Variants in RABEP1 observed in about 807,000 individuals in gnomAD.
RABEP1 encodes the protein rab GTPase-binding effector protein 1.
In RABEP1, 51 loss-of-function variants were observed where a neutral mutation model predicts 123.4. The observed-to-expected ratio is 0.41, with a 90% CI of 0.33 to 0.52. The LOEUF is 0.52. RABEP1 is among the 20% of genes least tolerant of loss of function. RABEP1 has a pLI of 0.16. For synonymous variants in RABEP1, 347 were observed against 355.2 expected (o/e 0.98, Z 0.26); for missense variants, 888 against 996.3 (o/e 0.89, Z 1.46).
intron 13 of RABEP1, among the ~76,000 whole-genome samples, chr17:5,375,704 C>T (rs564811774): frequency 4.2e-4 from 63 of 150,660 alleles, no homozygotes; most frequent in African/African-American, 1.5e-3. Flanking sequence ...AGGACCCTGT[C>T]TCAATTAAAA....
Position 5,373,423 on chromosome 17 carries a change from C to A in RABEP1, c.1994C>A (p.Ala665Glu). Reference protein sequence around the residue: ...KHSLHVSLQQAEDFILPDTTE... With the variant: ...KHSLHVSLQQEEDFILPDTTE... ...AGCCTGCATGTGTCATTACAGCAAG[C>A]AGAAGACTTCATCCTCCCAGACACT... Residue 665 changes from alanine (A) to glutamate (E), a missense_variant, in exon 13 of 18, where the codon GCA becomes GAA. Coordinates refer to ENST00000537505, the MANE Select transcript of RABEP1 (RefSeq NM_004703.6). The A allele has an allele frequency of 6.2e-7, 1 of 1,612,452 alleles. No homozygotes were observed. Among genetic ancestry groups the A allele is most frequent in the Non-Finnish European group, 8.5e-7 (1 of 1,179,588 alleles).
chr17:5,303,241 A>G (rs1235923744), intron 1 of RABEP1, among the ~76,000 whole-genome samples: 1 of 151,838 alleles, frequency 6.6e-6, no homozygotes, highest in Non-Finnish European at 1.5e-5. Flanking sequence ...GTTTTATTTT[A>G]TTTTATTTTA....
chr17:5,299,278 G>T (rs2075111178), intron 1 of RABEP1, among the ~76,000 whole-genome samples: 5 of 151,758 alleles, frequency 3.3e-5, no homozygotes, highest in African/African-American at 1.2e-4. Flanking sequence ...TACACTTCCT[G>T]CCCTGGACCT....
chr17:5,352,576 A>G (rs1414062259), intron 7 of RABEP1, among the ~76,000 whole-genome samples: 4 of 149,884 alleles, frequency 2.7e-5, no homozygotes, highest in African/African-American at 2.4e-5. Flanking sequence ...CACACCTGTA[A>G]TCCCAGCACT....
chr17:5,324,226 A>AT (rs1418695619), intron 2 of RABEP1, among the ~76,000 whole-genome samples: 2 of 152,212 alleles, frequency 1.3e-5, no homozygotes, highest in East Asian at 3.8e-4. Flanking sequence ...TGGCACTGGC[A>AT]TAAAAACTGA....
intron 10 of RABEP1, 69 bp downstream of exon 10, chr17:5,363,085 C>T (rs758878558): frequency 1.5e-5 from 17 of 1,107,260 alleles, no homozygotes; most frequent in Non-Finnish European, 2.2e-5. Flanking sequence ...TTAATTGCCC[C>T]CCTCTCCGGC....
Position 5,332,075 on chromosome 17 carries a change from ACAC to A in RABEP1, c.293_295del (p.Thr98del). On this transcript the variant is annotated inframe_deletion, in exon 3 of 18. Coordinates refer to ENST00000537505, the MANE Select transcript of RABEP1 (RefSeq NM_004703.6). ...AAGGCGATTGCCACAGTCTCTGAGA[ACAC>A]CAAGCAAGAAGCTATAGATGAAGTG... 1 of 1,614,182 alleles carries A rather than the reference ACAC, an allele frequency of 6.2e-7. No homozygotes were observed. The highest frequency in any genetic ancestry group is 1.7e-5 in the Admixed American group (1 of 60,024).
At chr17:5,321,357 C>T (rs370304353) in intron 2 of RABEP1, among the ~76,000 whole-genome samples, 54 of 152,290 alleles carry the variant, frequency 3.5e-4, no homozygotes, top group African/African-American at 1.0e-3. Context: ...GTGAGAGGAT[C>T]GTTTAAGCCC....
intron 4 of RABEP1, among the ~76,000 whole-genome samples, chr17:5,335,996 C>A (rs943233278): frequency 6.6e-6 from 1 of 151,894 alleles, no homozygotes; most frequent in African/African-American, 2.4e-5. Flanking sequence ...TATTATGTAC[C>A]ACATATGCTT....
chr17:5,360,990 G>A lies in RABEP1; in HGVS notation c.1096-218G>A, dbSNP rs75367124. 67,676 of 528,138 alleles carry A rather than the reference G, an allele frequency of 0.13. 4,641 individuals carry two copies. The highest frequency in any genetic ancestry group is 0.16 in the African/African-American group (8,469 of 52,298). The allele number at this position is 528,138 out of a possible 1,614,324, so 32.7% of individuals were successfully genotyped here. A position where few individuals can be genotyped will look rare whatever the true frequency, so the allele number is the denominator to read the frequency against. Reference sequence around the variant, plus strand: ...TTTTTTTTGAAGCCGTATGTATCTCGAGGTCAGGGATTATATCTTGCTCAC... The same window carrying A: ...TTTTTTTTGAAGCCGTATGTATCTCAAGGTCAGGGATTATATCTTGCTCAC... On this transcript the variant is annotated intron_variant, in intron 8 of 17. Transcript: ENST00000537505.
At chr17:5,344,974 TAAAAA>T (rs202233083) in intron 5 of RABEP1, among the ~76,000 whole-genome samples, 3 of 148,128 alleles carry the variant, frequency 2.0e-5, no homozygotes, top group African/African-American at 5.0e-5. Context: ...GAAAAAAAAA[TAAAAA>T]AAAATAAACA....
At chr17:5,304,544 T>C (rs1028990917) in intron 1 of RABEP1, among the ~76,000 whole-genome samples, 1 of 151,478 alleles carries the variant, frequency 6.6e-6, no homozygotes, top group East Asian at 1.9e-4. Flanking sequence ...ATTGCGCCAC[T>C]GCACTCCAGC....
In RABEP1 at chr17:5,368,480, T is replaced by G. The variant is rs1314978555; in HGVS notation, c.1884+12T>G. The G allele has an allele frequency of 1.3e-6, 2 of 1,579,614 alleles. No individual in the cohort carries two copies. The highest frequency in any genetic ancestry group is 1.7e-6 in the Non-Finnish European group (2 of 1,149,450). On this transcript the variant is annotated intron_variant, in intron 12 of 17. Transcript: ENST00000537505. The stretch of plus-strand genomic sequence containing the variant: ...TTCAGGAACAGATGGTAAGTTTACA[T>G]TTTAAGTAAATGACAACTATGTTAC...
intron 1 of RABEP1, among the ~76,000 whole-genome samples, chr17:5,282,814 G>T (rs1208586835): frequency 6.6e-6 from 1 of 151,696 alleles, no homozygotes; most frequent in Non-Finnish European, 1.5e-5. Context: ...GAGCGGTTCT[G>T]GGTAGCGGGG....
At position 5,373,282 on chromosome 17, in the gene RABEP1, C is replaced by G. The variant is rs560644799; in HGVS notation, c.1885-32C>G. ...CTATCACCAGACCGGATCTACCTTT[C>G]TGGCTGTGATTAGTATCTACTTCTA... is the stretch of plus-strand genomic sequence containing the variant. On this transcript the variant is annotated intron_variant, in intron 12 of 17. Transcript: ENST00000537505. 5.5e-5 allele frequency: 88 copies of G among 1,600,340 alleles called. 2 individuals carry two copies. The South Asian group carries it at 9.7e-4, about 18-fold the overall frequency.
intron 15 of RABEP1, 97 bp downstream of exon 15, chr17:5,378,329 T>C (rs767127134): frequency 1.7e-6 from 2 of 1,197,384 alleles, no homozygotes; most frequent in Admixed American, 3.5e-5. Flanking sequence ...AGTTAAGGCA[T>C]GGGCCCTGCC....
intron 1 of RABEP1, among the ~76,000 whole-genome samples, chr17:5,307,047 G>A (rs113197811): frequency 2.0e-5 from 3 of 152,192 alleles, no homozygotes; most frequent in Non-Finnish European, 4.4e-5. Flanking sequence ...GGCCAGGTGC[G>A]GTGGCTTATG....
chr17:5,356,642 CAT>C (rs1372067787), intron 8 of RABEP1: 1 of 150,986 alleles, frequency 6.6e-6, no homozygotes, highest in East Asian at 1.7e-4. Flanking sequence ...CATATGTTAA[CAT>C]ATTTCTTTTT....
At chr17:5,358,656 G>A (rs963339161) in intron 8 of RABEP1, among the ~76,000 whole-genome samples, 6 of 150,518 alleles carry the variant, frequency 4.0e-5, no homozygotes, top group Admixed American at 1.3e-4. Context: ...GAGTGACAGA[G>A]CGAGACTGTC....
Sources: allele counts gnomAD v4.1 joint callset (sites outside exome capture counted in the v4.1 genomes callset), GRCh38; gene constraint gnomAD v4.1.1; transcripts MANE v1.5; gene names NCBI Gene and HGNC (gene_info 2026-07-23, HGNC 2026-07-21).